Variants in MYO5B observed in about 807,000 individuals in gnomAD.
MYO5B encodes the protein unconventional myosin-Vb.
MYO5B carries 143 observed loss-of-function variants against 229.3 expected under a neutral mutation model. The observed-to-expected ratio is 0.62, with a 90% CI of 0.54 to 0.72. The LOEUF is 0.72. Ranked by LOEUF, MYO5B falls within the 30% of genes least tolerant of loss-of-function variation. The pLI is 0.00. For missense variants in MYO5B, 2,321 were observed against 2,331.0 expected (o/e 1.00, Z 0.09); for synonymous variants, 918 against 885.2 (o/e 1.04, Z -0.66).
At chr18:50,079,668 T>C (rs2031168957) in intron 1 of MYO5B, among the ~76,000 whole-genome samples, 1 of 152,010 alleles carries the variant, frequency 6.6e-6, no homozygotes, top group South Asian at 2.1e-4. Context: ...ACTCTCCAGC[T>C]CCTGGAAGAA....
intron 1 of MYO5B, among the ~76,000 whole-genome samples, chr18:50,153,193 T>C (rs1257329354): frequency 6.6e-6 from 1 of 152,182 alleles, no homozygotes. Flanking sequence ...TCGTACTATA[T>C]ACACTAATTG....
At chr18:49,994,210 C>T (rs1218986998) in intron 5 of MYO5B, among the ~76,000 whole-genome samples, 1 of 152,162 alleles carries the variant, frequency 6.6e-6, no homozygotes, top group Non-Finnish European at 1.5e-5. Flanking sequence ...TTCCCCTTAG[C>T]CCATATGCGG....
intron 1 of MYO5B, among the ~76,000 whole-genome samples, chr18:50,189,994 C>T (rs2033205672): frequency 6.6e-6 from 1 of 152,144 alleles, no homozygotes; most frequent in African/African-American, 2.4e-5. Flanking sequence ...ACTCAAAAAC[C>T]CACTGCTCAG....
intron 21 of MYO5B, among the ~76,000 whole-genome samples, chr18:49,899,173 T>C (rs1598867463): frequency 6.6e-6 from 1 of 152,168 alleles, no homozygotes; most frequent in East Asian, 1.9e-4. Flanking sequence ...GTGTCCTTGG[T>C]GTTCGCAGAT....
intron 1 of MYO5B, among the ~76,000 whole-genome samples, chr18:50,194,160 T>C (rs1172218471): frequency 5.9e-5 from 9 of 152,216 alleles, no homozygotes; most frequent in Admixed American, 5.2e-4. Context: ...CGCACCCCTC[T>C]ACCCATTGCT....
In MYO5B at chr18:49,853,662, G is replaced by A. The variant is rs1239800422; in HGVS notation, c.4023-15C>T. 1 of 1,609,468 alleles carries A rather than the reference G, an allele frequency of 6.2e-7. No individual in the cohort carries two copies. Among genetic ancestry groups the A allele is most frequent in the Non-Finnish European group, 8.5e-7 (1 of 1,179,518 alleles). On this transcript the variant is annotated splice_polypyrimidine_tract_variant and intron_variant, in intron 30 of 39. Transcript: ENST00000285039. ...CCTCCAGCAGCCTGTGCCAGGGAGA[G>A]GACAGGTGAGCACGTGGCCCAGGCC... is the stretch of plus-strand genomic sequence containing the variant.
At chr18:49,971,512 T>C (rs1466785224) in intron 10 of MYO5B, among the ~76,000 whole-genome samples, 1 of 152,170 alleles carries the variant, frequency 6.6e-6, no homozygotes, top group Admixed American at 6.5e-5. Context: ...ACCTGATAGA[T>C]TAGAAAGTAC....
At chr18:50,032,841 G>A (rs2026405095) in intron 4 of MYO5B, among the ~76,000 whole-genome samples, 1 of 152,124 alleles carries the variant, frequency 6.6e-6, no homozygotes, top group Non-Finnish European at 1.5e-5. Flanking sequence ...CAAAAATTTA[G>A]CTGGGTGTGG....
chr18:49,917,106 GA>G (rs1241288456), intron 17 of MYO5B, among the ~76,000 whole-genome samples: 1 of 152,102 alleles, frequency 6.6e-6, no homozygotes, highest in Non-Finnish European at 1.5e-5. Context: ...AGCTATTTCC[GA>G]GTCCACTGTG....
intron 4 of MYO5B, among the ~76,000 whole-genome samples, chr18:50,030,876 GAAAAAAAAAAAAAAAAA>G (rs869189090): frequency 0.012 from 375 of 30,488 alleles, 5 homozygotes; most frequent in African/African-American, 0.037. Flanking sequence ...CTCCCTTTCA[GAAAAAAAAAAAAAAAAA>G]AAAAAAAAAA....
rs548748883 is a variant in MYO5B, at chr18:50,090,465, A to G, written c.28-35087T>C. Among the ~76,000 whole-genome samples the G allele has an allele frequency of 2.0e-5, 3 of 152,306 alleles. No individual in the cohort carries two copies. The South Asian group carries it at 6.2e-4, about 32-fold the overall frequency. ...GACTCCAGGAAATGACAGCCATAGA[A>G]TATTAGGTAGTATCCCTCCTTGAGT... On this transcript the variant is annotated intron_variant, in intron 1 of 39. Coordinates refer to ENST00000285039, the MANE Select transcript of MYO5B (RefSeq NM_001080467.3).
chr18:49,878,390 A>G (rs552896324), intron 24 of MYO5B, among the ~76,000 whole-genome samples: 2 of 148,710 alleles, frequency 1.3e-5, no homozygotes, highest in African/African-American at 2.5e-5. Context: ...TGGTAGGACA[A>G]TTTTAGACTT....
intron 4 of MYO5B, among the ~76,000 whole-genome samples, chr18:50,011,746 C>G (rs1005857042): frequency 4.6e-5 from 7 of 152,076 alleles, no homozygotes; most frequent in African/African-American, 1.7e-4. Context: ...AACTGGTCTT[C>G]CCATGATAAT....
intron 4 of MYO5B, among the ~76,000 whole-genome samples, chr18:50,033,794 AC>A (rs1414328856): frequency 6.6e-6 from 1 of 151,966 alleles, no homozygotes; most frequent in East Asian, 1.9e-4. Context: ...ATCTGCATTC[AC>A]CCTCAAGCCC....
At chr18:50,193,737 G>A (rs1599094821) in intron 1 of MYO5B, among the ~76,000 whole-genome samples, 1 of 152,240 alleles carries the variant, frequency 6.6e-6, no homozygotes, top group Non-Finnish European at 1.5e-5. Flanking sequence ...ACCAGGCATT[G>A]GACTATCCAA....
chr18:50,046,751 A>G (rs895798189), intron 2 of MYO5B, among the ~76,000 whole-genome samples: 14 of 152,306 alleles, frequency 9.2e-5, no homozygotes, highest in African/African-American at 3.4e-4. Context: ...ATATAGACCA[A>G]TGGAACAGAA....
At chr18:49,832,477 T>C (rs1212195805) in intron 39 of MYO5B, among the ~76,000 whole-genome samples, 1 of 152,180 alleles carries the variant, frequency 6.6e-6, no homozygotes, top group African/African-American at 2.4e-5. Flanking sequence ...AATCAATATA[T>C]CCTGATTTTG....
chr18:50,046,159 G>A (rs1469445443), intron 2 of MYO5B, among the ~76,000 whole-genome samples: 1 of 152,184 alleles, frequency 6.6e-6, no homozygotes, highest in East Asian at 1.9e-4. Flanking sequence ...TGACCCAGAG[G>A]TGGAAATCGC....
chr18:49,925,621 A>G (rs1357365590), intron 17 of MYO5B, among the ~76,000 whole-genome samples: 1 of 152,208 alleles, frequency 6.6e-6, no homozygotes. Context: ...GGATAAGGAA[A>G]TGTTTTCTGT....
Sources: allele counts gnomAD v4.1 joint callset (sites outside exome capture counted in the v4.1 genomes callset), GRCh38; gene constraint gnomAD v4.1.1; transcripts MANE v1.5; gene names NCBI Gene and HGNC (gene_info 2026-07-23, HGNC 2026-07-21).